The following KAZN variants were observed in gnomAD, a reference collection of about 807,000 sequenced individuals.
The protein encoded by KAZN is kazrin, periplakin interacting protein, also known as kazrin.
A neutral mutation model predicts 87.4 loss-of-function variants in KAZN; 40 were observed. That is an observed-to-expected ratio of 0.46 (90% CI 0.36 to 0.60). The LOEUF (loss-of-function observed/expected upper bound fraction) is 0.60, where lower values mean the gene tolerates loss of function less well. KAZN is among the 20% of genes least tolerant of loss of function. KAZN has a pLI of 0.00. For missense variants in KAZN, 898 were observed against 1,073.9 expected (o/e 0.84, Z 2.29); for synonymous variants, 466 against 458.3 (o/e 1.02, Z -0.22).
In KAZN at chr1:14,982,404, C is replaced by G. The variant is rs1191152956; in HGVS notation, c.418+21529C>G. 7.0e-5 allele frequency among the ~76,000 whole-genome samples: 10 copies of G among 142,456 alleles called. No homozygotes were observed. In the South Asian group the frequency reaches 2.2e-3, roughly 32 times the overall value. 93.5% of individuals were successfully genotyped at this position (142,456 alleles called of 152,430 possible). ...TTCCCTCTGAACTGGGGCCGCTGTT[C>G]TCAGCACCTGAGATTTTTTTTTTTT... On this transcript the variant is annotated intron_variant, in intron 2 of 14. Transcript: ENST00000376030.
At chr1:14,934,812 C>G (rs1660263728) in intron 1 of KAZN, among the ~76,000 whole-genome samples, 2 of 152,214 alleles carry the variant, frequency 1.3e-5, no homozygotes, top group Admixed American at 6.5e-5. Flanking sequence ...TCCAGTCGCC[C>G]CCTCCATCTC....
intron 1 of KAZN, among the ~76,000 whole-genome samples, chr1:14,646,439 C>G (rs1680814755): frequency 6.6e-6 from 1 of 152,136 alleles, no homozygotes; most frequent in Non-Finnish European, 1.5e-5. Flanking sequence ...TAAATGATTA[C>G]TATGGCAGAA....
chr1:14,384,511 A>G (rs1388358350), intron 2 of KAZN, among the ~76,000 whole-genome samples: 1 of 152,132 alleles, frequency 6.6e-6, no homozygotes, highest in Non-Finnish European at 1.5e-5. Flanking sequence ...ATTTATTGAG[A>G]GTTTTTAGCA....
intron 1 of KAZN, among the ~76,000 whole-genome samples, chr1:14,770,456 A>C (rs1270569978): frequency 6.6e-6 from 1 of 152,144 alleles, no homozygotes; most frequent in Non-Finnish European, 1.5e-5. Flanking sequence ...GATGAGGGCA[A>C]GGGGGATGGC....
intron 1 of KAZN, among the ~76,000 whole-genome samples, chr1:14,159,721 C>T (rs1645670238): frequency 6.6e-6 from 1 of 152,202 alleles, no homozygotes; most frequent in African/African-American, 2.4e-5. Context: ...TTGAGTCTTA[C>T]CTGAAACCAG....
At chr1:14,344,868 C>A (rs1657994838) in intron 2 of KAZN, among the ~76,000 whole-genome samples, 1 of 151,560 alleles carries the variant, frequency 6.6e-6, no homozygotes, top group Non-Finnish European at 1.5e-5. Flanking sequence ...CACGGGTGGA[C>A]ATAGCTTCAG....
chr1:14,361,450 G>A (rs1027661280), intron 2 of KAZN, among the ~76,000 whole-genome samples: 1 of 152,214 alleles, frequency 6.6e-6, no homozygotes. Context: ...CTCTTCCAGA[G>A]GAGTGAACAG....
intron 2 of KAZN, among the ~76,000 whole-genome samples, chr1:14,204,083 T>A (rs1019718608): frequency 2.0e-5 from 3 of 152,242 alleles, no homozygotes; most frequent in African/African-American, 4.8e-5. Context: ...GGTTACTGCT[T>A]TTGGAGAAGG....
intron 13 of KAZN, among the ~76,000 whole-genome samples, chr1:15,110,105 G>A (rs951238216): frequency 6.4e-5 from 9 of 140,452 alleles, no homozygotes; most frequent in African/African-American, 2.3e-4. Flanking sequence ...GTGTATGTGC[G>A]TATTTGTGTG....
chr1:14,747,826 C>T (rs929014461), intron 1 of KAZN, among the ~76,000 whole-genome samples: 1 of 152,198 alleles, frequency 6.6e-6, no homozygotes, highest in African/African-American at 2.4e-5. Context: ...TTCTCACCAG[C>T]AATGCATAAG....
chr1:14,929,096 A>C (rs1006621568), intron 1 of KAZN, among the ~76,000 whole-genome samples: 6 of 152,166 alleles, frequency 3.9e-5, no homozygotes, highest in African/African-American at 1.4e-4. Context: ...TGTATTACCC[A>C]CCTCAGAGTT....
At chr1:14,758,089 G>A (rs910135767) in intron 1 of KAZN, among the ~76,000 whole-genome samples, 1 of 147,808 alleles carries the variant, frequency 6.8e-6, no homozygotes, top group South Asian at 2.1e-4. Flanking sequence ...TTGTTTGTTT[G>A]TTTGTTTGTT....
At chr1:14,518,651 G>A (rs988712862) in intron 2 of KAZN, among the ~76,000 whole-genome samples, 2 of 152,156 alleles carry the variant, frequency 1.3e-5, no homozygotes, top group Non-Finnish European at 2.9e-5. Flanking sequence ...GACAGTGCTC[G>A]TAGGAGCTCC....
At chr1:15,106,321 C>T (rs752203688) in intron 13 of KAZN, among the ~76,000 whole-genome samples, 2 of 152,166 alleles carry the variant, frequency 1.3e-5, no homozygotes, top group Admixed American at 6.5e-5. Flanking sequence ...CTCCAGGAGC[C>T]ATGAATCAAA....
rs1662268871 is a variant in KAZN, at chr1:14,949,820, A to G, written c.227-10864A>G. Among the ~76,000 whole-genome samples the G allele has an allele frequency of 1.3e-5, 2 of 152,080 alleles. No individual in the cohort carries two copies. Among genetic ancestry groups the G allele is most frequent in the Non-Finnish European group, 2.9e-5 (2 of 68,010 alleles). On this transcript the variant is annotated intron_variant, in intron 1 of 14. Coordinates refer to ENST00000376030, the MANE Select transcript of KAZN (RefSeq NM_201628.3). The surrounding 1 kb of genome is among the most constrained non-coding windows in gnomAD (Gnocchi z 4.3). ...TGGTGAGGGGTGGGTGAAGGCATGCAGGAGAGTACAGGTTTTCTGGGGTGT... is the reference window on the plus strand; with the variant it reads ...TGGTGAGGGGTGGGTGAAGGCATGCGGGAGAGTACAGGTTTTCTGGGGTGT...
At chr1:15,018,600 T>TTAA (rs112257430) in intron 2 of KAZN, among the ~76,000 whole-genome samples, 1 of 146,608 alleles carries the variant, frequency 6.8e-6, no homozygotes, top group East Asian at 2.0e-4. Flanking sequence ...GGAGTTGATT[T>TTAA]AAAAAAAAAA....
At chr1:14,681,867 A>G (rs1640682262) in intron 1 of KAZN, among the ~76,000 whole-genome samples, 2 of 149,768 alleles carry the variant, frequency 1.3e-5, no homozygotes, top group South Asian at 2.1e-4. Flanking sequence ...AATTTTTTGT[A>G]TTTTTAGTAG....
intron 2 of KAZN, among the ~76,000 whole-genome samples, chr1:14,392,574 C>A (rs1010873548): frequency 2.0e-5 from 3 of 152,134 alleles, no homozygotes; most frequent in African/African-American, 7.2e-5. Context: ...ATTTCTGAGC[C>A]ATGGCTCCAT....
At chr1:14,759,861 C>T (rs945475732) in intron 1 of KAZN, among the ~76,000 whole-genome samples, 9 of 152,168 alleles carry the variant, frequency 5.9e-5, no homozygotes, top group African/African-American at 2.2e-4. Context: ...TTGTGCACCA[C>T]GCTTGCCTGC....
Sources: allele counts gnomAD v4.1 joint callset (sites outside exome capture counted in the v4.1 genomes callset), GRCh38; gene constraint gnomAD v4.1.1; non-coding constraint Gnocchi (gnomAD v3.1); transcripts MANE v1.5; gene names NCBI Gene and HGNC (gene_info 2026-07-23, HGNC 2026-07-21).